The following WASF2 variants were observed in gnomAD, a reference collection of about 807,000 sequenced individuals.
WASF2 encodes WASP family member 2.
WASF2 carries 14 observed loss-of-function variants against 45.0 expected under a neutral mutation model. The observed-to-expected ratio is 0.31, with a 90% CI of 0.21 to 0.49. WASF2 has a LOEUF of 0.49. WASF2 is among the 20% of genes least tolerant of loss of function. WASF2 has a pLI of 0.99. For missense variants in WASF2, 439 were observed against 636.1 expected, an observed-to-expected ratio of 0.69 and a Z score of 3.33; for synonymous variants, 200 against 236.3, an observed-to-expected ratio of 0.85 and a Z score of 1.41.
chr1:27,478,530 C>T (rs2017802231), intron 1 of WASF2, among the ~76,000 whole-genome samples: 1 of 152,116 alleles, frequency 6.6e-6, no homozygotes. Context: ...TGGAGATTGA[C>T]TGGAAGGGGA....
At chr1:27,451,596 G>A (rs756862888) in intron 1 of WASF2, among the ~76,000 whole-genome samples, 1 of 152,182 alleles carries the variant, frequency 6.6e-6, no homozygotes, top group African/African-American at 2.4e-5. Flanking sequence ...CATTTAGAAA[G>A]CTCTCTCTGG....
At chr1:27,476,857 C>T (rs989263597) in intron 1 of WASF2, among the ~76,000 whole-genome samples, 4 of 152,174 alleles carry the variant, frequency 2.6e-5, no homozygotes, top group African/African-American at 7.2e-5. Flanking sequence ...GTGCAAGGCT[C>T]TGTGTGTTCA....
chr1:27,467,551 T>C (rs1425139332), intron 1 of WASF2, among the ~76,000 whole-genome samples: 1 of 150,578 alleles, frequency 6.6e-6, no homozygotes, highest in Non-Finnish European at 1.5e-5. Flanking sequence ...TCCGCCCGCC[T>C]TGACCTCCCA....
chr1:27,454,089 TAATA>T (rs1557612060), intron 1 of WASF2, among the ~76,000 whole-genome samples: 1 of 148,000 alleles, frequency 6.8e-6, no homozygotes, highest in East Asian at 2.0e-4. Context: ...CATATGACTC[TAATA>T]TATATACATA....
rs2148093094 is a variant in WASF2, at chr1:27,406,013, A to C, written c.*2176T>G. 1 of 152,716 alleles carries C rather than the reference A, an allele frequency of 6.5e-6. No homozygotes were observed. The allele number at this position is 152,716 out of a possible 1,614,324, so 9.5% of individuals were successfully genotyped here. The stretch of plus-strand genomic sequence containing the variant: ...GAGCAGAATGACAGTGAGTGGCTCT[A>C]GCTCTCCCTTTTCCGGGCAAGGAGG... On this transcript the variant is annotated 3_prime_UTR_variant, in exon 9 of 9. Coordinates refer to ENST00000618852, the MANE Select transcript of WASF2 (RefSeq NM_006990.5).
At chr1:27,441,136 G>A (rs2017221825) in intron 1 of WASF2, among the ~76,000 whole-genome samples, 1 of 152,066 alleles carries the variant, frequency 6.6e-6, no homozygotes. Flanking sequence ...CCAATGTGCT[G>A]GGATTACAGG....
chr1:27,409,828 C>T lies in WASF2; in HGVS notation c.1203G>A (p.Gly401=). ...CACCAGTGAAAGGGGGAGGAGGGGG[C>T]CCCGGAGGAGGAGGAGGAGGGGGAG... ...PPPPPPPPPP[G]PPPPPFTGAD... The change falls in exon 8 of 9, where the codon GGG becomes GGA. Residue 401 remains glycine (G), a synonymous_variant. Coordinates refer to ENST00000618852, the MANE Select transcript of WASF2 (RefSeq NM_006990.5). 1 of 1,554,352 alleles carries T rather than the reference C, an allele frequency of 6.4e-7. No homozygotes were observed. The highest frequency in any genetic ancestry group is 8.7e-7 in the Non-Finnish European group (1 of 1,148,124).
At chr1:27,469,238 GA>G (rs2017657965) in intron 1 of WASF2, among the ~76,000 whole-genome samples, 1 of 152,186 alleles carries the variant, frequency 6.6e-6, no homozygotes, top group African/African-American at 2.4e-5. Context: ...GATGAAACAA[GA>G]CTGACCATGA....
chr1:27,415,211 T>C (rs919322669), intron 5 of WASF2, among the ~76,000 whole-genome samples: 3 of 152,198 alleles, frequency 2.0e-5, no homozygotes, highest in South Asian at 2.1e-4. Context: ...CACTTCCTCT[T>C]TGGATAACTC....
At chr1:27,446,603 A>T (rs1188792630) in intron 1 of WASF2, among the ~76,000 whole-genome samples, 1 of 152,066 alleles carries the variant, frequency 6.6e-6, no homozygotes, top group African/African-American at 2.4e-5. Flanking sequence ...TAACATGGCA[A>T]AACCCCATCT....
chr1:27,474,633 G>A (rs1300622311), intron 1 of WASF2, among the ~76,000 whole-genome samples: 2 of 152,000 alleles, frequency 1.3e-5, no homozygotes, highest in Non-Finnish European at 2.9e-5. Context: ...AGCTGCGCAT[G>A]GTGGCATGAG....
chr1:27,420,889 T>C (rs2016899874), intron 2 of WASF2, among the ~76,000 whole-genome samples: 1 of 152,152 alleles, frequency 6.6e-6, no homozygotes, highest in African/African-American at 2.4e-5. Flanking sequence ...AATGATAATC[T>C]TTTTTTGAGA....
chr1:27,458,937 C>T (rs185563900), intron 1 of WASF2, among the ~76,000 whole-genome samples: 51 of 151,888 alleles, frequency 3.4e-4, no homozygotes, highest in Middle Eastern at 6.8e-3. Flanking sequence ...ACCAGCCTGG[C>T]CAACATGGTA....
chr1:27,487,563 A>G (rs1225489797), intron 1 of WASF2, among the ~76,000 whole-genome samples: 18 of 105,610 alleles, frequency 1.7e-4, no homozygotes, highest in African/African-American at 6.9e-4. Context: ...TATATTTTAT[A>G]CAATATATAA....
chr1:27,429,947 A>G (rs1384585528), intron 1 of WASF2, among the ~76,000 whole-genome samples: 1 of 152,118 alleles, frequency 6.6e-6, no homozygotes, highest in African/African-American at 2.4e-5. Flanking sequence ...TCTTCTACCC[A>G]ACAGCTCCCT....
intron 1 of WASF2, among the ~76,000 whole-genome samples, chr1:27,451,792 C>T (rs1339784736): frequency 6.6e-6 from 1 of 152,198 alleles, no homozygotes; most frequent in African/African-American, 2.4e-5. Flanking sequence ...TTACAGTAGT[C>T]ACCCCTTATC....
intron 1 of WASF2, among the ~76,000 whole-genome samples, chr1:27,442,865 G>A (rs2017257460): frequency 6.6e-6 from 1 of 151,682 alleles, no homozygotes; most frequent in Non-Finnish European, 1.5e-5. Flanking sequence ...GCCAAGTGTG[G>A]TGGCACATGC....
At chr1:27,420,913 G>A (rs1300926481) in intron 2 of WASF2, among the ~76,000 whole-genome samples, 1 of 152,078 alleles carries the variant, frequency 6.6e-6, no homozygotes, top group Non-Finnish European at 1.5e-5. Flanking sequence ...ATTTAAAGTA[G>A]GCTCTAATTT....
At chr1:27,489,814 G>A (rs1314065528) in intron 1 of WASF2, among the ~76,000 whole-genome samples, 172 bp downstream of exon 1, 1 of 152,182 alleles carries the variant, frequency 6.6e-6, no homozygotes, top group Non-Finnish European at 1.5e-5. Flanking sequence ...CTCCCTGAGG[G>A]GGTGGGGTGG....
Sources: gnomAD v4.1 joint callset for allele counts (sites outside exome capture counted in the v4.1 genomes callset) on GRCh38, gnomAD v4.1.1 for gene constraint, MANE v1.5 for transcripts, NCBI Gene and HGNC (gene_info 2026-07-23, HGNC 2026-07-21) for gene names.